SPATA25: variants seen among roughly 807,000 people sequenced by gnomAD.
SPATA25 encodes the protein spermatogenesis associated 25, also known as spermatogenesis-associated protein 25.
SPATA25 carries 16 observed loss-of-function variants against 16.0 expected under a neutral mutation model. The ratio of observed to expected loss-of-function variants is 1.00; its 90% CI spans 0.68 to 1.52. The LOEUF is 1.52. SPATA25 is among the 40% of genes most tolerant of loss of function. The pLI is 0.00. For synonymous variants in SPATA25, 115 were observed against 118.5 expected (o/e 0.97, Z 0.19); for missense variants, 285 against 289.2 (o/e 0.99, Z 0.11).
chr20:45,888,082 ACCT>A (rs1389327936), upstream of SPATA25, among the ~76,000 whole-genome samples: 2 of 152,114 alleles, frequency 1.3e-5, no homozygotes, highest in Non-Finnish European at 2.9e-5. Flanking sequence ...CAGGAGCAAG[ACCT>A]CAGCTCACTG....
rs749940988 is a variant in SPATA25 at position 45,886,706 on chromosome 20, G to A, written c.495C>T (p.Pro165=). The change falls in exon 2 of 2, where the codon CCC becomes CCT. Residue 165 remains proline (P), a synonymous_variant. Transcript: ENST00000372519. ...LTLAMMIAGI[P]TVPVPGVREE... ...CCCGAACTCCTGGGACGGGCACGGT[G>A]GGGATGCCAGCGATCATCATGGCGA... 1 of 1,614,150 alleles carries A rather than the reference G, an allele frequency of 6.2e-7. No individual in the cohort carries two copies. Among genetic ancestry groups the A allele is most frequent in the East Asian group, 2.2e-5 (1 of 44,884 alleles).
rs1197416173 is a variant in SPATA25 at position 45,887,082 on chromosome 20, G to C, written c.119C>G (p.Ala40Gly). 2 of 1,606,228 alleles carry C rather than the reference G, an allele frequency of 1.2e-6. No homozygotes were observed. The highest frequency in any genetic ancestry group is 2.7e-5 in the African/African-American group (2 of 74,926). The change falls in exon 2 of 2, where the codon GCC (alanine) becomes GGC (glycine). Residue 40 changes from alanine (A) to glycine (G), a missense_variant. Physicochemically the swap from Ala to Gly is moderately conservative, Grantham distance 60. Transcript: ENST00000372519. ...GCTCAGTGGGCCTGTTCCACCAGAG[G>C]CCACCACCACTGGCTCTACAGGACT... ...LCSPVEPVVV[A>G]SGGTGPLSQK...
Position 45,886,919 on chromosome 20 carries a change from C to T in SPATA25, c.282G>A (p.Pro94=), listed in dbSNP as rs766091994. Residue 94 remains proline, a synonymous_variant, in exon 2 of 2, where the codon CCG becomes CCA. Coordinates refer to ENST00000372519, the MANE Select transcript of SPATA25 (RefSeq NM_080608.4). The part of the protein sequence containing the change: ...KEYSRNCHKF[P]HVRQLESLGW... ...CCAAGCTCTCCAGCTGCCTCACATGCGGGAATTTGTGGCAGTTTCGGCTGT... is the reference window on the plus strand; with the variant it reads ...CCAAGCTCTCCAGCTGCCTCACATGTGGGAATTTGTGGCAGTTTCGGCTGT... 18 of 1,614,084 alleles carry T rather than the reference C, an allele frequency of 1.1e-5. No homozygotes were observed. Among genetic ancestry groups the T allele is most frequent in the African/African-American group, 8.0e-5 (6 of 74,938 alleles).
At chr20:45,889,027 A>C, upstream of SPATA25, 1 of 770,782 alleles carries the variant, frequency 1.3e-6, no homozygotes, top group East Asian at 2.7e-5. Flanking sequence ...GGCTGAGAGA[A>C]GCACCTCTTC....
At chr20:45,890,299 G>T (rs766490144), upstream of SPATA25, 8 of 1,613,492 alleles carry the variant, frequency 5.0e-6, no homozygotes, top group Non-Finnish European at 6.8e-6. Flanking sequence ...AAGCAAACAC[G>T]TCCACCACCG....
At chr20:45,888,911 AGGGT>A, upstream of SPATA25, 1 of 1,612,540 alleles carries the variant, frequency 6.2e-7, no homozygotes, top group African/African-American at 1.3e-5. Context: ...ACTGAACTGG[AGGGT>A]GGGTCTGAGG....
chr20:45,889,617 C>CTT (rs1167186083), upstream of SPATA25, among the ~76,000 whole-genome samples: 1 of 118,086 alleles, frequency 8.5e-6, no homozygotes, highest in East Asian at 2.6e-4. Context: ...TCCTCTCTCT[C>CTT]TCTCTTTCTT....
chr20:45,890,931 G>A (rs762167511), upstream of SPATA25: 8 of 1,524,342 alleles, frequency 5.2e-6, no homozygotes, highest in East Asian at 1.9e-4. Flanking sequence ...GTGGGAGGGG[G>A]CTCCGGGCGC....
At position 45,886,772 on chromosome 20, in the gene SPATA25, C is replaced by A; in HGVS notation, c.429G>T (p.Gly143=). The A allele has an allele frequency of 6.2e-7, 1 of 1,614,016 alleles. No homozygotes were observed. The highest frequency in any genetic ancestry group is 8.5e-7 in the Non-Finnish European group (1 of 1,180,044). Reference sequence around the variant, plus strand: ...TATCAGGCTGGGAGCTGGCCTCCTTCCCCACTGCCTCAGAGGGTACCGGTA... The same window carrying A: ...TATCAGGCTGGGAGCTGGCCTCCTTACCCACTGCCTCAGAGGGTACCGGTA... ...RVLPVPSEAV[G]KEASSQPDIC... is the part of the protein sequence containing the mutation. The change falls in exon 2 of 2, where the codon GGG becomes GGT. Residue 143 remains glycine (G), a synonymous_variant. Coordinates refer to ENST00000372519, the MANE Select transcript of SPATA25 (RefSeq NM_080608.4).
chr20:45,890,694 A>G, upstream of SPATA25: 2 of 1,613,714 alleles, frequency 1.2e-6, no homozygotes, highest in Non-Finnish European at 1.7e-6. Context: ...TCGGGCAGAG[A>G]AAACTCGGGA....
upstream of SPATA25, chr20:45,890,818 C>T (rs904297210): frequency 6.3e-7 from 1 of 1,578,422 alleles, no homozygotes; most frequent in African/African-American, 1.4e-5. Context: ...GGGCCAGCGG[C>T]TCGCGGCTGA....
chr20:45,890,644 C>G (rs1231246277), upstream of SPATA25: 1 of 1,613,170 alleles, frequency 6.2e-7, no homozygotes, highest in African/African-American at 1.3e-5. Context: ...TGTGGTGGCG[C>G]GTGATGGCGA....
upstream of SPATA25, among the ~76,000 whole-genome samples, chr20:45,889,421 C>T (rs1348025170): frequency 6.6e-6 from 1 of 151,530 alleles, no homozygotes; most frequent in Non-Finnish European, 1.5e-5. Context: ...GTGCAGTGCT[C>T]AGTGAACTGC....
chr20:45,887,402 C>T (rs2145805019), intron 1 of SPATA25, 134 bp downstream of exon 1: 2 of 912,034 alleles, frequency 2.2e-6, no homozygotes, highest in East Asian at 5.3e-5. Flanking sequence ...TTTGGAATGG[C>T]TTTTCTTCTA....
upstream of SPATA25, chr20:45,888,878 G>A: frequency 6.2e-7 from 1 of 1,614,096 alleles, no homozygotes; most frequent in South Asian, 1.1e-5. Context: ...ATGGCACTGT[G>A]GGAAGAAGAC....
chr20:45,886,734 G>T lies in SPATA25; in HGVS notation c.467C>A (p.Thr156Asn). 1 of 1,614,132 alleles carries T rather than the reference G, an allele frequency of 6.2e-7. No individual in the cohort carries two copies. Among genetic ancestry groups the T allele is most frequent in the Non-Finnish European group, 8.5e-7 (1 of 1,180,050 alleles). ...GATGCCAGCGATCATCATGGCGAGG[G>T]TGAGGATGCAGATATCAGGCTGGGA... is the stretch of plus-strand genomic sequence containing the variant. Reference protein sequence around the residue: ...ASSQPDICILTLAMMIAGIPT... With the variant: ...ASSQPDICILNLAMMIAGIPT... Residue 156 changes from threonine (T) to asparagine (N), a missense_variant, in exon 2 of 2, where the codon ACC becomes AAC. By Grantham distance (65) the Thr-to-Asn change is moderately conservative. Transcript: ENST00000372519.
upstream of SPATA25, among the ~76,000 whole-genome samples, chr20:45,888,428 A>G (rs569828960): frequency 2.6e-5 from 4 of 152,332 alleles, no homozygotes; most frequent in East Asian, 7.7e-4. Context: ...TACAAAACAC[A>G]ATGTCTAGGC....
chr20:45,890,192 C>T (rs1462435804), upstream of SPATA25: 2 of 1,601,986 alleles, frequency 1.2e-6, no homozygotes, highest in East Asian at 2.2e-5. Context: ...CTACGGAGCC[C>T]TAGTAGATTC....
chr20:45,887,063 T>G lies in SPATA25; in HGVS notation c.138A>C (p.Pro46=). 6.2e-7 allele frequency: 1 copy of G among 1,608,776 alleles called. No homozygotes were observed. The highest frequency in any genetic ancestry group is 8.5e-7 in the Non-Finnish European group (1 of 1,179,964). ...CCACCTGCTCAGCTTTCTGGCTCAG[T>G]GGGCCTGTTCCACCAGAGGCCACCA... ...PVVVASGGTG[P]LSQKAEQVAP... Residue 46 remains proline (P), a synonymous_variant, in exon 2 of 2, where the codon CCA becomes CCC. Transcript: ENST00000372519.
Sources: allele counts gnomAD v4.1 joint callset (sites outside exome capture counted in the v4.1 genomes callset), GRCh38; gene constraint gnomAD v4.1.1; transcripts MANE v1.5; gene names NCBI Gene and HGNC (gene_info 2026-07-23, HGNC 2026-07-21).